Variants in ZNF385B observed in about 807,000 individuals in gnomAD.
The protein encoded by ZNF385B is zinc finger protein 533.
ZNF385B carries 23 observed loss-of-function variants against 39.2 expected under a neutral mutation model. The ratio of observed to expected loss-of-function variants is 0.59; its 90% CI spans 0.42 to 0.83. ZNF385B has a LOEUF of 0.83. Ranked by LOEUF, ZNF385B falls within the 40% of genes least tolerant of loss-of-function variation. ZNF385B has a pLI of 0.00. For synonymous variants in ZNF385B, 205 were observed against 222.6 expected (o/e 0.92, Z 0.70); for missense variants, 552 against 598.9 (o/e 0.92, Z 0.82).
intron 6 of ZNF385B, among the ~76,000 whole-genome samples, chr2:179,477,346 A>G (rs2053539976): frequency 6.6e-6 from 1 of 152,220 alleles, no homozygotes; most frequent in East Asian, 1.9e-4. Flanking sequence ...ATACTCATTG[A>G]TAACGACTCT....
intron 6 of ZNF385B, among the ~76,000 whole-genome samples, chr2:179,467,073 G>A (rs2052130239): frequency 6.6e-6 from 1 of 151,872 alleles, no homozygotes; most frequent in African/African-American, 2.4e-5. Flanking sequence ...ATTACTGAGG[G>A]TGTCATTATA....
At chr2:179,830,401 A>G (rs1473398513) in intron 1 of ZNF385B, among the ~76,000 whole-genome samples, 1 of 152,248 alleles carries the variant, frequency 6.6e-6, no homozygotes, top group African/African-American at 2.4e-5. Context: ...TTGATAATTT[A>G]TGTCCACACA....
chr2:179,471,273 A>G (rs1048595056), intron 6 of ZNF385B, among the ~76,000 whole-genome samples: 1 of 152,182 alleles, frequency 6.6e-6, no homozygotes, highest in Admixed American at 6.5e-5. Flanking sequence ...CCTTTGCCCC[A>G]TGATACATAC....
At chr2:179,846,980 A>T (rs1268373352) in intron 1 of ZNF385B, among the ~76,000 whole-genome samples, 1 of 152,254 alleles carries the variant, frequency 6.6e-6, no homozygotes, top group Non-Finnish European at 1.5e-5. Flanking sequence ...GCTCTTACCA[A>T]ATTCAAAGAG....
chr2:179,825,676 C>T (rs1707639126), intron 1 of ZNF385B, among the ~76,000 whole-genome samples: 1 of 152,110 alleles, frequency 6.6e-6, no homozygotes, highest in Non-Finnish European at 1.5e-5. Flanking sequence ...CAGAAGTCCC[C>T]ACAAGATGAC....
At chr2:179,637,006 G>A (rs1053063058) in intron 3 of ZNF385B, among the ~76,000 whole-genome samples, 2 of 152,038 alleles carry the variant, frequency 1.3e-5, no homozygotes, top group Admixed American at 1.3e-4. Context: ...AAACCCAAGA[G>A]CACTACAAGT....
At chr2:179,526,591 G>T (rs2058917929) in intron 4 of ZNF385B, among the ~76,000 whole-genome samples, 1 of 151,484 alleles carries the variant, frequency 6.6e-6, no homozygotes, top group African/African-American at 2.4e-5. Flanking sequence ...GCGAAACTCT[G>T]TCTCAAGAAA....
chr2:179,820,700 TTTGA>T (rs1394308620), intron 1 of ZNF385B, among the ~76,000 whole-genome samples: 1 of 152,140 alleles, frequency 6.6e-6, no homozygotes, highest in Non-Finnish European at 1.5e-5. Flanking sequence ...AACTTACTTC[TTTGA>T]TTATTTTCTT....
chr2:179,712,215 T>G (rs965782866), intron 3 of ZNF385B, among the ~76,000 whole-genome samples: 2 of 152,194 alleles, frequency 1.3e-5, no homozygotes, highest in African/African-American at 4.8e-5. Flanking sequence ...CCACTGATAA[T>G]ACTATGATTT....
rs149531050 is a variant in ZNF385B at position 179,544,905 on chromosome 2, A to T, written c.363T>A (p.Pro121=). The change falls in exon 4 of 10, where the codon CCT becomes CCA. Residue 121 remains proline (P), a synonymous_variant. Transcript: ENST00000410066. ...ACATAAATGGTTTGATATCCAGTGA[A>T]GGCTGCATCATCAGGGTAGGTGTGC... is the stretch of plus-strand genomic sequence containing the variant. ...LVRTPTLMMQ[P]SLDIKPFMSF... The T allele has an allele frequency of 3.1e-4, 493 of 1,614,154 alleles. No individual in the cohort carries two copies. In the African/African-American group the frequency reaches 5.4e-3, roughly 18 times the overall value.
At chr2:179,602,993 C>G (rs191964295) in intron 3 of ZNF385B, among the ~76,000 whole-genome samples, 53 of 152,232 alleles carry the variant, frequency 3.5e-4, no homozygotes, top group Middle Eastern at 3.4e-3. Flanking sequence ...CAATATAATT[C>G]CACAAGTATT....
rs200628969 is a variant in ZNF385B at position 179,537,769 on chromosome 2, A to C, written c.441+7058T>G. On this transcript the variant is annotated intron_variant, in intron 4 of 9. Transcript: ENST00000410066. ...AACAAACAAACAAACAAACAAACAA[A>C]AAAAAAAATTAATAGAAATGTAAAA... 2.4e-4 allele frequency among the ~76,000 whole-genome samples: 35 copies of C among 147,000 alleles called. No individual in the cohort carries two copies. In the East Asian group the frequency reaches 6.4e-3, roughly 27 times the overall value.
chr2:179,840,806 A>G (rs1708496837), intron 1 of ZNF385B, among the ~76,000 whole-genome samples: 1 of 152,226 alleles, frequency 6.6e-6, no homozygotes, highest in Admixed American at 6.5e-5. Flanking sequence ...TATCACATAG[A>G]CTAACATTTC....
At chr2:179,667,503 CAT>C (rs1250478190) in intron 3 of ZNF385B, among the ~76,000 whole-genome samples, 1 of 152,162 alleles carries the variant, frequency 6.6e-6, no homozygotes, top group Non-Finnish European at 1.5e-5. Flanking sequence ...TTTTGTACCA[CAT>C]GACTCTATCC....
At chr2:179,807,681 G>C (rs1194603457) in intron 1 of ZNF385B, among the ~76,000 whole-genome samples, 1 of 151,992 alleles carries the variant, frequency 6.6e-6, no homozygotes, top group Non-Finnish European at 1.5e-5. Flanking sequence ...GGATCATAAG[G>C]TCAGGAGATC....
At chr2:179,594,797 C>CT (rs35322965) in intron 3 of ZNF385B, among the ~76,000 whole-genome samples, 116,653 of 145,392 alleles carry the variant, frequency 0.8, 46,878 homozygotes, top group Non-Finnish European at 0.86. Context: ...TAGGTAAACT[C>CT]TTTTTTTTTT....
At chr2:179,457,857 G>C (rs2050871305) in intron 6 of ZNF385B, among the ~76,000 whole-genome samples, 1 of 152,096 alleles carries the variant, frequency 6.6e-6, no homozygotes, top group South Asian at 2.1e-4. Flanking sequence ...GTTGTCTTAT[G>C]ATAACCCCAA....
intron 6 of ZNF385B, chr2:179,481,265 T>C (rs895437939): frequency 2.6e-5 from 4 of 152,166 alleles, no homozygotes; most frequent in Non-Finnish European, 5.9e-5. Context: ...TTTCAAAATA[T>C]ACTCATTGAA....
chr2:179,587,386 T>C (rs1387558311), intron 3 of ZNF385B, among the ~76,000 whole-genome samples: 1 of 152,194 alleles, frequency 6.6e-6, no homozygotes, highest in African/African-American at 2.4e-5. Context: ...CTAAGTGGCT[T>C]TTTATGAGAA....
Sources: gnomAD v4.1 joint callset for allele counts (sites outside exome capture counted in the v4.1 genomes callset) on GRCh38, gnomAD v4.1.1 for gene constraint, MANE v1.5 for transcripts, NCBI Gene and HGNC (gene_info 2026-07-23, HGNC 2026-07-21) for gene names.